MYO16: variants seen among roughly 807,000 people sequenced by gnomAD.
MYO16 encodes unconventional myosin-XVI.
In MYO16, 94 loss-of-function variants were observed where a neutral mutation model predicts 205.3. The ratio of observed to expected loss-of-function variants is 0.46; its 90% CI spans 0.39 to 0.54. The LOEUF (loss-of-function observed/expected upper bound fraction) is 0.54, where lower values mean the gene tolerates loss of function less well. Among genes scored for constraint, MYO16 ranks in the 20% least tolerant of loss-of-function variants. The probability of loss-of-function intolerance (pLI) is 0.00; values close to 1 mark genes in which losing one functional copy is unlikely to be tolerated. For synonymous variants in MYO16, 988 were observed against 954.0 expected (o/e 1.04, Z -0.66); for missense variants, 2,315 against 2,387.5 (o/e 0.97, Z 0.63).
chr13:109,132,388 T>C (rs892366279), intron 31 of MYO16, among the ~76,000 whole-genome samples: 5 of 152,254 alleles, frequency 3.3e-5, no homozygotes, highest in Non-Finnish European at 5.9e-5. Flanking sequence ...ACAGTTTACA[T>C]GTGTAGACAC....
chr13:108,632,834 G>A (rs1474206010), intron 1 of MYO16, among the ~76,000 whole-genome samples: 2 of 152,102 alleles, frequency 1.3e-5, no homozygotes, highest in African/African-American at 4.8e-5. Context: ...CCCCAGCTGA[G>A]GCGCAAGCAG....
upstream of MYO16, among the ~76,000 whole-genome samples, chr13:108,593,017 C>T (rs993057180): frequency 1.3e-5 from 2 of 152,074 alleles, no homozygotes; most frequent in East Asian, 1.9e-4. Flanking sequence ...CCCTAGTGTT[C>T]GTCCCTGTGA....
At chr13:109,040,416 A>AGAGAGAGAGAGAGAGAG (rs375579978) in intron 23 of MYO16, among the ~76,000 whole-genome samples, 64 of 149,594 alleles carry the variant, frequency 4.3e-4, no homozygotes, top group South Asian at 1.1e-3. Context: ...AGAGAGAGAG[A>AGAGAGAGAGAGAGAGAG]AAATTAAAAA....
the MYO16 span, among the ~76,000 whole-genome samples, chr13:108,496,724 T>C: frequency 6.6e-6 from 1 of 152,236 alleles, no homozygotes; most frequent in Non-Finnish European, 1.5e-5. Context: ...GCTACTCACA[T>C]GTGGCTCAGA....
chr13:108,977,443 C>T (rs1257550782), intron 20 of MYO16, among the ~76,000 whole-genome samples: 1 of 152,150 alleles, frequency 6.6e-6, no homozygotes, highest in African/African-American at 2.4e-5. Flanking sequence ...CAAGCGAAGT[C>T]GACGTCTTCT....
chr13:108,803,935 T>C (rs1887038241), intron 6 of MYO16, among the ~76,000 whole-genome samples: 1 of 152,194 alleles, frequency 6.6e-6, no homozygotes, highest in South Asian at 2.1e-4. Flanking sequence ...AAAAAAATTA[T>C]ATTAACATAC....
At chr13:108,691,455 AAGAG>A (rs559055178) in intron 2 of MYO16, among the ~76,000 whole-genome samples, 76 of 152,010 alleles carry the variant, frequency 5.0e-4, no homozygotes, top group African/African-American at 1.7e-3. Flanking sequence ...TAAGAGGAGA[AAGAG>A]AGAGAGAAAG....
At chr13:108,727,071 G>T (rs1052937804) in intron 3 of MYO16, among the ~76,000 whole-genome samples, 2 of 151,308 alleles carry the variant, frequency 1.3e-5, no homozygotes, top group African/African-American at 4.9e-5. Flanking sequence ...ATGTTTTAGA[G>T]TAGAAGGGTA....
intron 9 of MYO16, among the ~76,000 whole-genome samples, chr13:108,832,034 G>C (rs1876648228): frequency 6.6e-6 from 1 of 151,952 alleles, no homozygotes; most frequent in Non-Finnish European, 1.5e-5. Context: ...GGGGTATCAT[G>C]CTCTTGGGGT....
the MYO16 span, among the ~76,000 whole-genome samples, chr13:108,522,428 G>T: frequency 6.6e-6 from 1 of 152,074 alleles, no homozygotes; most frequent in African/African-American, 2.4e-5. Flanking sequence ...TAATTTCTAA[G>T]AACATAGCAA....
intron 23 of MYO16, among the ~76,000 whole-genome samples, chr13:109,042,461 C>T (rs775654175): frequency 3.3e-5 from 5 of 152,026 alleles, no homozygotes; most frequent in Admixed American, 2.0e-4. Context: ...CAAGATGTCC[C>T]GGAGGGAATA....
intron 2 of MYO16, among the ~76,000 whole-genome samples, chr13:108,690,751 G>C (rs932017869): frequency 2.6e-5 from 4 of 152,000 alleles, no homozygotes; most frequent in Non-Finnish European, 1.5e-5. Context: ...ATTGATAATA[G>C]ACAATGTTAC....
At chr13:108,537,802 C>CT in the MYO16 span, among the ~76,000 whole-genome samples, 1 of 151,724 alleles carries the variant, frequency 6.6e-6, no homozygotes, top group African/African-American at 2.4e-5. Context: ...ACTTGTATGT[C>CT]TTTTTTTGAG....
At chr13:109,203,032 A>C (rs112891159) in intron 34 of MYO16, among the ~76,000 whole-genome samples, 3,216 of 152,324 alleles carry the variant, frequency 0.021, 61 homozygotes, top group Non-Finnish European at 0.029. Context: ...CTCTCACCTT[A>C]TTCAAAAATC....
the MYO16 span, among the ~76,000 whole-genome samples, chr13:108,557,747 A>C: frequency 1.7e-3 from 260 of 152,314 alleles, 2 homozygotes; most frequent in African/African-American, 6.1e-3. Flanking sequence ...AAAAGAGGTC[A>C]ATATTTAGTT....
chr13:109,160,967 G>A (rs1026224176), intron 32 of MYO16, among the ~76,000 whole-genome samples: 4 of 152,134 alleles, frequency 2.6e-5, no homozygotes, highest in Non-Finnish European at 4.4e-5. Context: ...ACCACTTTAC[G>A]GGAGAACCCA....
chr13:108,879,247 T>A (rs575688909), intron 12 of MYO16, among the ~76,000 whole-genome samples: 1 of 152,380 alleles, frequency 6.6e-6, no homozygotes, highest in East Asian at 1.9e-4. Flanking sequence ...ATTGTGAGAT[T>A]CATCCAGTTA....
chr13:108,744,181 T>C (rs1226891942), intron 4 of MYO16, among the ~76,000 whole-genome samples: 5 of 152,206 alleles, frequency 3.3e-5, no homozygotes, highest in South Asian at 4.1e-4. Flanking sequence ...ACTGAGAAAA[T>C]TGAAGTTTTC....
Position 109,125,135 on chromosome 13 carries a change from C to G in MYO16, c.3559C>G (p.Gln1187Glu). 1 of 1,614,110 alleles carries G rather than the reference C, an allele frequency of 6.2e-7. No homozygotes were observed. The highest frequency in any genetic ancestry group is 8.5e-7 in the Non-Finnish European group (1 of 1,180,014). Residue 1187 changes from glutamine (Q) to glutamate (E), a missense_variant, in exon 30 of 35, where the codon CAG becomes GAG. Around this residue, in one of 3 missense-constraint regions of MYO16, gnomAD observed 1,097 missense variants for 1,092.0 expected, o/e 1.00. Transcript: ENST00000457511. The surrounding 1 kb of genome is among the most constrained non-coding windows in gnomAD (Gnocchi z 4.0). ...AGTTATCAGAGGATTTTTAGCACGC[C>G]AGCACCTGCTTCAGAGAATAAGCAT... is the stretch of plus-strand genomic sequence containing the variant. ...QKVIRGFLAR[Q>E]HLLQRISIRQ...
Sources: allele counts gnomAD v4.1 joint callset (sites outside exome capture counted in the v4.1 genomes callset), GRCh38; gene constraint gnomAD v4.1.1; regional missense constraint gnomAD v4.1.1; non-coding constraint Gnocchi (gnomAD v3.1); transcripts MANE v1.5; gene names NCBI Gene and HGNC (gene_info 2026-07-23, HGNC 2026-07-21).